PSG4: variants seen among roughly 807,000 people sequenced by gnomAD.
PSG4 encodes pregnancy-specific beta-1-glycoprotein 4.
PSG4 carries 61 observed loss-of-function variants against 44.3 expected under a neutral mutation model. That is an observed-to-expected ratio of 1.38 (90% CI 1.12 to 1.70). The LOEUF is 1.70. Ranked by LOEUF, PSG4 falls within the 40% of genes most tolerant of loss-of-function variation. The pLI, the probability that PSG4 is intolerant of heterozygous loss-of-function variation, is 0.00. For missense variants in PSG4, 677 were observed against 511.7 expected (o/e 1.32, Z -3.12); for synonymous variants, 248 against 191.3 (o/e 1.30, Z -2.45).
In PSG4 at chr19:43,197,904, G is replaced by A. The variant is rs1599771610; in HGVS notation, c.709+93C>T. On this transcript the variant is annotated intron_variant, in intron 3 of 5. Coordinates refer to ENST00000405312, the MANE Select transcript of PSG4 (RefSeq NM_002780.5). ...TTGATGTCTAGGGGTAAAGGTCTCT[G>A]TACTTGGACCTGAGAGGGACTGAGA... 15 of 1,575,778 alleles carry A rather than the reference G, an allele frequency of 9.5e-6. 1 individual carries two copies. The highest frequency in any genetic ancestry group is 1.2e-5 in the Non-Finnish European group (14 of 1,167,624).
At chr19:43,202,369 G>C (rs1370711423) in intron 2 of PSG4, among the ~76,000 whole-genome samples, 5 of 144,448 alleles carry the variant, frequency 3.5e-5, no homozygotes, top group Admixed American at 6.9e-5. Context: ...GTTACATGAG[G>C]TGGGGTGGCT....
At chr19:43,194,928 G>A (rs1179102360) in intron 4 of PSG4, 67 bp downstream of exon 4, 2 of 1,589,690 alleles carry the variant, frequency 1.3e-6, no homozygotes, top group African/African-American at 1.4e-5. Context: ...GAGACTGAGA[G>A]ACCTGGCCTC....
chr19:43,197,420 T>C (rs1398110208), intron 3 of PSG4, among the ~76,000 whole-genome samples: 2 of 145,560 alleles, frequency 1.4e-5, no homozygotes, highest in African/African-American at 5.3e-5. Flanking sequence ...TAAACCCCTC[T>C]ATATGTTTTA....
In PSG4 at chr19:43,203,956, G is replaced by T. The variant is rs1239594887; in HGVS notation, c.360C>A (p.Tyr120Ter). 14 of 1,587,532 alleles carry T rather than the reference G, an allele frequency of 8.8e-6. No individual in the cohort carries two copies. Among genetic ancestry groups the T allele is most frequent in the Non-Finnish European group, 1.2e-5 (14 of 1,171,506 alleles). The change falls in exon 2 of 6, where the codon TAC (tyrosine) becomes TAA (stop). Residue 120 changes from tyrosine to a stop codon, truncating the protein, a stop_gained. Transcript: ENST00000405312. LOFTEE classifies it high-confidence loss of function. ...QNVTQEDAGSYTLHIIKRRDG... is the reference protein window; with the variant it reads ...QNVTQEDAGS ...CGCGTCGCTTTATGATGTGTAAGGT[G>T]TAGGATCCTGCATCCTCCTGCGTGA...
At chr19:43,196,963 A>G (rs1967277238) in intron 3 of PSG4, 1 of 146,700 alleles carries the variant, frequency 6.8e-6, no homozygotes, top group African/African-American at 2.6e-5. Flanking sequence ...CTTCCAATCC[A>G]TGAAAATGAA....
At position 43,194,768 on chromosome 19, in the gene PSG4, C is replaced by A. The variant is rs900646955; in HGVS notation, c.989-174G>T. On this transcript the variant is annotated intron_variant, in intron 4 of 5. Transcript: ENST00000405312. The stretch of plus-strand genomic sequence containing the variant: ...AGGTATTCACCTGTTTCTCCCATCA[C>A]AAGTTTTAGGCCCCAAGTCTCCCAT... The A allele has an allele frequency of 4.2e-6, 6 of 1,418,626 alleles. No homozygotes were observed. In the Admixed American group the frequency reaches 1.5e-4, roughly 36 times the overall value. 87.9% of individuals were successfully genotyped at this position (1,418,626 alleles called of 1,614,324 possible). A position where few individuals can be genotyped will look rare whatever the true frequency, so the allele number is the denominator to read the frequency against.
At chr19:43,204,702 C>CCGCCA (rs1363762033) in intron 1 of PSG4, 1 of 208,126 alleles carries the variant, frequency 4.8e-6, no homozygotes, top group Non-Finnish European at 8.7e-6. Flanking sequence ...CTTCCCCCCA[C>CCGCCA]GATGACTGTG....
rs184737400 is a variant in PSG4 at position 43,197,286 on chromosome 19, T to C, written c.709+711A>G. 1.5e-4 allele frequency among the ~76,000 whole-genome samples: 22 copies of C among 145,646 alleles called. 3 individuals carry two copies. The highest frequency in any genetic ancestry group is 5.5e-4 in the Admixed American group (8 of 14,656). Reference sequence around the variant, plus strand: ...CAGAGGGCAGGTGGCTTTTCCCTGATAGCTAGATAGACTTCACTGGAAAAC... The same window carrying C: ...CAGAGGGCAGGTGGCTTTTCCCTGACAGCTAGATAGACTTCACTGGAAAAC... On this transcript the variant is annotated intron_variant, in intron 3 of 5. Transcript: ENST00000405312.
In PSG4 at chr19:43,204,299, G is replaced by A. The variant is rs186540303; in HGVS notation, c.65-48C>T. 2.0e-6 allele frequency: 3 copies of A among 1,507,390 alleles called. 1 individual carries two copies. Among genetic ancestry groups the A allele is most frequent in the Non-Finnish European group, 2.7e-6 (3 of 1,127,956 alleles). The allele number at this position is 1,507,390 out of a possible 1,614,324, so 93.4% of individuals were successfully genotyped here. On this transcript the variant is annotated intron_variant, in intron 1 of 5. Transcript: ENST00000405312. ...GTTAATATTGAGACCTATGTATTGG[G>A]GTGAAAAGATGGGTCCTGAGAAGGT...
chr19:43,193,773 C>T, intron 5 of PSG4: 3 of 528,126 alleles, frequency 5.7e-6, no homozygotes, highest in Non-Finnish European at 1.0e-5. Flanking sequence ...ATATAACATC[C>T]CAGTCAAAGC....
intron 5 of PSG4, chr19:43,194,131 C>G (rs531183729): frequency 5.7e-6 from 8 of 1,410,970 alleles, no homozygotes; most frequent in African/African-American, 1.5e-5. Context: ...CCTGCTTGGT[C>G]TAGGCTGGGA....
rs893750885 is a variant in PSG4 at position 43,198,946 on chromosome 19, A to G, written c.431-671T>C. 3 of 147,340 alleles carry G rather than the reference A, an allele frequency of 2.0e-5. 1 individual carries two copies. The highest frequency in any genetic ancestry group is 7.9e-5 in the African/African-American group (3 of 38,148). 9.1% of individuals were successfully genotyped at this position (147,340 alleles called of 1,614,324 possible). A position where few individuals can be genotyped will look rare whatever the true frequency, so the allele number is the denominator to read the frequency against. On this transcript the variant is annotated intron_variant, in intron 2 of 5. Transcript: ENST00000405312. The stretch of plus-strand genomic sequence containing the variant: ...AGAGTCCAAGGAATGACCTACAAAG[A>G]GTGAAGGGGACAGGCAAGAGCTGAT...
rs750928690 is a variant in PSG4, at chr19:43,204,698, C to CCCCCCG, written c.65-448_65-447insCGGGGG. On this transcript the variant is annotated intron_variant, in intron 1 of 5. Coordinates refer to ENST00000405312, the MANE Select transcript of PSG4 (RefSeq NM_002780.5). ...GATCACTTAGCATGTCTGTCTTCCCCCCACGATGACTGTGTGAGCTCCGTG... is the reference window on the plus strand; with the variant it reads ...GATCACTTAGCATGTCTGTCTTCCCCCCCCCGCCACGATGACTGTGTGAGCTCCGTG... 10 of 155,658 alleles carry CCCCCCG rather than the reference C, an allele frequency of 6.4e-5. 1 individual carries two copies. The highest frequency in any genetic ancestry group is 8.5e-5 in the Non-Finnish European group (7 of 82,434). 9.6% of individuals were successfully genotyped at this position (155,658 alleles called of 1,614,324 possible).
rs952708769 is a variant in PSG4 at position 43,200,426 on chromosome 19, G to A, written c.431-2151C>T. On this transcript the variant is annotated intron_variant, in intron 2 of 5. Transcript: ENST00000405312. ...CAAAAAAAATATTAAATATGAAGGC[G>A]AATATGTTGTTCCACTTTTTTTTCC... Among the ~76,000 whole-genome samples, 21 of 144,922 alleles carry A rather than the reference G, an allele frequency of 1.4e-4. 2 individuals carry two copies. The highest frequency in any genetic ancestry group is 3.5e-3 in the Middle Eastern group (1 of 284).
In PSG4 at chr19:43,204,891, C is replaced by G; in HGVS notation, c.64+582G>C. 2 of 382,940 alleles carry G rather than the reference C, an allele frequency of 5.2e-6. 1 individual carries two copies. 23.7% of individuals were successfully genotyped at this position (382,940 alleles called of 1,614,324 possible). A position where few individuals can be genotyped will look rare whatever the true frequency, so the allele number is the denominator to read the frequency against. On this transcript the variant is annotated intron_variant, in intron 1 of 5. Transcript: ENST00000405312. ...GTGTTTCATGTCCTGCTTATATTTT[C>G]ATTTGAAGTGTCATCTGATATAGTT... is the stretch of plus-strand genomic sequence containing the variant.
rs374621539 is a variant in PSG4, at chr19:43,195,024, C to T, written c.959G>A (p.Arg320His). Residue 320 changes from arginine (R) to histidine (H), a missense_variant, in exon 4 of 6, where the codon CGC becomes CAC. Transcript: ENST00000405312. Reference sequence around the variant, plus strand: ...GACATTCAGGGTGACTGGGTCACTGCGGATGCCACCATATCGGTCCCGTAT... The same window carrying T: ...GACATTCAGGGTGACTGGGTCACTGTGGATGCCACCATATCGGTCCCGTAT... ...CEIRDRYGGI[R>H]SDPVTLNVLY... 297 of 1,611,998 alleles carry T rather than the reference C, an allele frequency of 1.8e-4. 5 individuals are homozygous for T. The South Asian group carries it at 2.7e-3, about 14-fold the overall frequency.
intron 1 of PSG4, chr19:43,204,694 T>TTCCCCCCCC: frequency 1.3e-5 from 2 of 151,848 alleles, no homozygotes; most frequent in African/African-American, 6.0e-5. Context: ...ATGTCTGTCT[T>TTCCCCCCCC]CCCCCCACGA....
intron 2 of PSG4, among the ~76,000 whole-genome samples, chr19:43,200,649 C>T (rs1967466022): frequency 6.9e-6 from 1 of 145,212 alleles, no homozygotes; most frequent in African/African-American, 2.6e-5. Flanking sequence ...GATCTCAGCT[C>T]ACTGCAAGCT....
rs182496097 is a variant in PSG4 at position 43,198,512 on chromosome 19, T to C, written c.431-237A>G. The C allele has an allele frequency of 2.1e-3, 1,546 of 751,542 alleles. 71 individuals are homozygous for C. The highest frequency in any genetic ancestry group is 2.8e-3 in the Non-Finnish European group (1,458 of 525,274). The allele number at this position is 751,542 out of a possible 1,614,324, so 46.6% of individuals were successfully genotyped here. ...CTTAGGTGTGAATTGAGCAGCAGCA[T>C]TGGGTCATGGAAAGACACAGGACCA... is the stretch of plus-strand genomic sequence containing the variant. On this transcript the variant is annotated intron_variant, in intron 2 of 5. Coordinates refer to ENST00000405312, the MANE Select transcript of PSG4 (RefSeq NM_002780.5).
Sources: gnomAD v4.1 joint callset for allele counts (sites outside exome capture counted in the v4.1 genomes callset) on GRCh38, gnomAD v4.1.1 for gene constraint, MANE v1.5 for transcripts, NCBI Gene and HGNC (gene_info 2026-07-23, HGNC 2026-07-21) for gene names.